The following PRSS48 variants were observed in gnomAD, a reference collection of about 807,000 sequenced individuals.
PRSS48 encodes epidermis-specific serine protease-like protein.
PRSS48 carries 21 observed loss-of-function variants against 25.6 expected under a neutral mutation model. That is an observed-to-expected ratio of 0.82 (90% CI 0.58 to 1.18). PRSS48 has a LOEUF of 1.18. Among genes scored for constraint, PRSS48 ranks in the 50% most tolerant of loss-of-function variants. PRSS48 has a pLI of 0.00. For synonymous variants in PRSS48, 150 were observed against 149.3 expected (o/e 1.00, Z -0.04); for missense variants, 373 against 399.3 (o/e 0.93, Z 0.56).
At chr4:151,277,339 C>T (rs1773731509) in intron 1 of PRSS48, 115 bp downstream of exon 1, 5 of 765,008 alleles carry the variant, frequency 6.5e-6, no homozygotes, top group Non-Finnish European at 9.2e-6. Context: ...GTAGCACAGC[C>T]TGAGAAGGTC....
intron 4 of PRSS48, among the ~76,000 whole-genome samples, chr4:151,283,948 G>A (rs1266701936): frequency 6.6e-6 from 1 of 152,054 alleles, no homozygotes; most frequent in Non-Finnish European, 1.5e-5. Context: ...TATTTGCATC[G>A]TCATTCCATG....
In PRSS48 at chr4:151,279,977, C is replaced by A; in HGVS notation, c.215+19C>A. On this transcript the variant is annotated intron_variant, in intron 2 of 4. Coordinates refer to ENST00000455694, the Ensembl canonical transcript of PRSS48. ...TACAACCGTGAGTTCTAGCTGGCAG[C>A]TAACACACAGACAGGTTCTCAGTGA... 7.3e-7 allele frequency: 1 copy of A among 1,360,692 alleles called. No homozygotes were observed. The highest frequency in any genetic ancestry group is 9.7e-7 in the Non-Finnish European group (1 of 1,027,492). The allele number at this position is 1,360,692 out of a possible 1,614,324, so 84.3% of individuals were successfully genotyped here. A position where few individuals can be genotyped will look rare whatever the true frequency, so the allele number is the denominator to read the frequency against.
At chr4:151,283,419 G>A in intron 4 of PRSS48, 133 bp downstream of exon 4, 1 of 705,868 alleles carries the variant, frequency 1.4e-6, no homozygotes, top group Non-Finnish European at 2.3e-6. Context: ...ATGTTACCCT[G>A]GACAAATCAC....
intron 4 of PRSS48, among the ~76,000 whole-genome samples, chr4:151,284,360 G>A (rs1333905834): frequency 6.6e-6 from 1 of 152,140 alleles, no homozygotes; most frequent in East Asian, 1.9e-4. Context: ...AGTCCATCTA[G>A]TGAAGTTTTT....
chr4:151,286,184 G>GAAAAAAAAAAAAAAAAAAA (rs56850648), intron 4 of PRSS48, among the ~76,000 whole-genome samples: 3 of 86,628 alleles, frequency 3.5e-5, no homozygotes, highest in East Asian at 3.6e-4. Context: ...CTGTCTTAAA[G>GAAAAAAAAAAAAAAAAAAA]AAAAAAAAAA....
At chr4:151,281,695 ATTTT>A (rs760516311) in intron 2 of PRSS48, among the ~76,000 whole-genome samples, 21 of 141,100 alleles carry the variant, frequency 1.5e-4, no homozygotes, top group Admixed American at 3.6e-4. Flanking sequence ...TTATTTATTT[ATTTT>A]GTACATCTTA....
intron 4 of PRSS48, among the ~76,000 whole-genome samples, chr4:151,286,640 T>C (rs945842976): frequency 1.4e-4 from 21 of 147,540 alleles, no homozygotes; most frequent in Non-Finnish European, 2.8e-4. Context: ...AAAGACCAGG[T>C]CCAGATAGAA....
chr4:151,277,343 G>A, intron 1 of PRSS48, 119 bp downstream of exon 1: 1 of 732,406 alleles, frequency 1.4e-6, no homozygotes, highest in Non-Finnish European at 1.9e-6. Context: ...CACAGCCTGA[G>A]AAGGTCCTGA....
intron 2 of PRSS48, among the ~76,000 whole-genome samples, 188 bp downstream of exon 2, chr4:151,280,146 G>A (rs776065867): frequency 1.9e-4 from 13 of 67,142 alleles, no homozygotes; most frequent in Non-Finnish European, 5.8e-4. Flanking sequence ...GAAAGTTGGA[G>A]ACAGGCACTA....
chr4:151,285,942 C>A (rs140123162), intron 4 of PRSS48, among the ~76,000 whole-genome samples: 1 of 150,600 alleles, frequency 6.6e-6, no homozygotes, highest in Non-Finnish European at 1.5e-5. Context: ...TACCTGTAAT[C>A]GCAGCACTTT....
At chr4:151,287,261 A>T (rs1311254497) in intron 4 of PRSS48, among the ~76,000 whole-genome samples, 1 of 150,170 alleles carries the variant, frequency 6.7e-6, no homozygotes. Flanking sequence ...GAATCACTTG[A>T]ACCCGGGAGG....
Position 151,279,868 on chromosome 4 carries a change from AG to A in PRSS48, c.127del (p.Val43SerfsTer20). 6.2e-7 allele frequency: 1 copy of A among 1,613,830 alleles called. No homozygotes were observed. Among genetic ancestry groups the A allele is most frequent in the African/African-American group, 1.3e-5 (1 of 75,028 alleles). ...GCTGCTGCAGGGCGCTGGCCTTGGC[AG>A]GTCAGCCTACACTTTGACCACAACT... On this transcript the variant is annotated frameshift_variant, in exon 2 of 5. Coordinates refer to ENST00000455694, the Ensembl canonical transcript of PRSS48. LOFTEE classifies it high-confidence loss of function.
intron 4 of PRSS48, among the ~76,000 whole-genome samples, chr4:151,284,548 C>G (rs971898515): frequency 6.6e-6 from 1 of 152,150 alleles, no homozygotes; most frequent in African/African-American, 2.4e-5. Flanking sequence ...CTGCTAATTC[C>G]AAAATCAATC....
intron 4 of PRSS48, among the ~76,000 whole-genome samples, chr4:151,290,406 A>G (rs1283984291): frequency 6.6e-6 from 1 of 152,230 alleles, no homozygotes; most frequent in Non-Finnish European, 1.5e-5. Flanking sequence ...AACCTTGAAA[A>G]GAATGTGCTA....
chr4:151,283,315 T>C, intron 4 of PRSS48, 29 bp downstream of exon 4: 1 of 1,605,338 alleles, frequency 6.2e-7, no homozygotes, highest in Non-Finnish European at 8.5e-7. Flanking sequence ...GAATTTTTTT[T>C]TAAACATGAG....
intron 2 of PRSS48, among the ~76,000 whole-genome samples, chr4:151,280,391 CA>C (rs1375177283): frequency 1.3e-5 from 2 of 152,130 alleles, no homozygotes; most frequent in Non-Finnish European, 2.9e-5. Context: ...AGATCCTCCC[CA>C]GTAAGATGAC....
At chr4:151,278,966 T>C (rs535230651) in intron 1 of PRSS48, 2 of 234,850 alleles carry the variant, frequency 8.5e-6, no homozygotes, top group East Asian at 2.1e-4. Flanking sequence ...ATTGGTTCAT[T>C]TATGTAGTCA....
chr4:151,287,775 T>G (rs1172699566), intron 4 of PRSS48, among the ~76,000 whole-genome samples: 1 of 152,118 alleles, frequency 6.6e-6, no homozygotes, highest in Non-Finnish European at 1.5e-5. Flanking sequence ...AGCTACTCGG[T>G]AGGCTGCGGT....
At chr4:151,277,938 G>A (rs1773804742) in intron 1 of PRSS48, among the ~76,000 whole-genome samples, 1 of 152,100 alleles carries the variant, frequency 6.6e-6, no homozygotes, top group Non-Finnish European at 1.5e-5. Context: ...CTACTCAATA[G>A]ACTGAGGCAG....
Sources: allele counts gnomAD v4.1 joint callset (sites outside exome capture counted in the v4.1 genomes callset), GRCh38; gene constraint gnomAD v4.1.1; transcripts MANE v1.5; gene names NCBI Gene and HGNC (gene_info 2026-07-23, HGNC 2026-07-21).